The following ITPK1 variants were observed in gnomAD, a reference collection of about 807,000 sequenced individuals.
ITPK1 encodes inositol 1,3,4-trisphosphate 5/6-kinase.
In ITPK1, 21 loss-of-function variants were observed where a neutral mutation model predicts 45.3. That is an observed-to-expected ratio of 0.46 (90% CI 0.33 to 0.67). The LOEUF is 0.67. ITPK1 is among the 30% of genes least tolerant of loss of function. The pLI is 0.02. For missense variants in ITPK1, 474 were observed against 573.5 expected, an observed-to-expected ratio of 0.83 and a Z score of 1.77; for synonymous variants, 258 against 253.6, an observed-to-expected ratio of 1.02 and a Z score of -0.16.
chr14:93,099,579 C>A (rs1266202517), intron 2 of ITPK1, among the ~76,000 whole-genome samples: 1 of 152,252 alleles, frequency 6.6e-6, no homozygotes, highest in Middle Eastern at 3.4e-3. Flanking sequence ...GGCTGCTGGG[C>A]GCAGCCAGGA....
intron 3 of ITPK1, among the ~76,000 whole-genome samples, chr14:93,038,073 G>A (rs977392461): frequency 5.4e-5 from 8 of 147,610 alleles, no homozygotes; most frequent in Non-Finnish European, 1.0e-4. Flanking sequence ...TTTTTTTTGA[G>A]ATGGAGCCTT....
chr14:93,081,623 G>C (rs1891436758), intron 2 of ITPK1, among the ~76,000 whole-genome samples: 1 of 152,192 alleles, frequency 6.6e-6, no homozygotes, highest in South Asian at 2.1e-4. Context: ...TGGCAATAAA[G>C]GAAGGCTTCA....
chr14:92,971,311 T>C (rs748454335), intron 5 of ITPK1, among the ~76,000 whole-genome samples: 26 of 152,214 alleles, frequency 1.7e-4, no homozygotes, highest in Middle Eastern at 3.2e-3. Context: ...TTGTCTCAGT[T>C]ACCTCACTAT....
In ITPK1 at chr14:92,941,601, T is replaced by C; in HGVS notation, c.1205A>G (p.His402Arg). The change falls in exon 11 of 11, where the codon CAT (histidine) becomes CGT (arginine). Residue 402 changes from histidine to arginine, a missense_variant. Physicochemically the swap from His to Arg is conservative, Grantham distance 29. This residue lies in a region of ITPK1 where 107 missense variants were observed against 92.9 expected (regional missense o/e 1.15). Coordinates refer to ENST00000267615, the MANE Select transcript of ITPK1 (RefSeq NM_014216.6). ...CTTGGTGGCCAGGGAGGCCACACAA[T>C]GCTGCTGGAAGCTGGGCGACACGCC... The part of the protein sequence containing the change: ...NAGVSPSFQQ[H>R]CVASLATKAS... 6.5e-7 allele frequency: 1 copy of C among 1,538,164 alleles called. No homozygotes were observed. Among genetic ancestry groups the C allele is most frequent in the Non-Finnish European group, 8.7e-7 (1 of 1,144,692 alleles).
chr14:93,090,538 T>C (rs1891828322), intron 2 of ITPK1, among the ~76,000 whole-genome samples: 1 of 152,178 alleles, frequency 6.6e-6, no homozygotes, highest in Non-Finnish European at 1.5e-5. Flanking sequence ...CTAGCCACCA[T>C]CCTGGAGAAA....
At chr14:93,030,339 G>C (rs1888971085) in intron 3 of ITPK1, among the ~76,000 whole-genome samples, 1 of 152,206 alleles carries the variant, frequency 6.6e-6, no homozygotes, top group Non-Finnish European at 1.5e-5. Context: ...ACACACAAAA[G>C]CCTGTTCTTT....
chr14:93,087,093 A>C (rs996021411), intron 2 of ITPK1, among the ~76,000 whole-genome samples: 5 of 152,368 alleles, frequency 3.3e-5, no homozygotes, highest in Admixed American at 3.3e-4. Flanking sequence ...TCACAACAGT[A>C]GTGGCTAAAA....
intron 9 of ITPK1, among the ~76,000 whole-genome samples, chr14:92,948,770 C>T (rs74519161): frequency 1.1e-3 from 163 of 144,446 alleles, no homozygotes; most frequent in African/African-American, 4.2e-3. Flanking sequence ...GGGAGGGAAG[C>T]GCTGAGCAGG....
intron 2 of ITPK1, among the ~76,000 whole-genome samples, chr14:93,113,070 T>C (rs569681339): frequency 6.6e-6 from 1 of 152,354 alleles, no homozygotes; most frequent in African/African-American, 2.4e-5. Flanking sequence ...TAGGCTTAAG[T>C]GATAAAATAT....
intron 2 of ITPK1, among the ~76,000 whole-genome samples, chr14:93,098,222 C>A (rs1330233017): frequency 6.6e-6 from 1 of 151,604 alleles, no homozygotes; most frequent in Non-Finnish European, 1.5e-5. Context: ...TTTGGGAGGC[C>A]AAGACAGGCA....
chr14:93,108,177 T>C (rs1319427501), intron 2 of ITPK1, among the ~76,000 whole-genome samples: 4 of 152,196 alleles, frequency 2.6e-5, no homozygotes, highest in African/African-American at 4.8e-5. Context: ...GCCCAATTCA[T>C]GCAGGATGGG....
At chr14:93,068,068 T>C (rs1377892375) in intron 3 of ITPK1, 2 of 153,242 alleles carry the variant, frequency 1.3e-5, no homozygotes, top group Non-Finnish European at 2.9e-5. Flanking sequence ...AACAGCCCAG[T>C]TTCATCTGTA....
intron 2 of ITPK1, among the ~76,000 whole-genome samples, chr14:93,092,546 T>G (rs576465489): frequency 1.7e-4 from 26 of 152,278 alleles, no homozygotes; most frequent in African/African-American, 6.3e-4. Flanking sequence ...CAGAAGGGAA[T>G]GATGAAGAAC....
intron 8 of ITPK1, among the ~76,000 whole-genome samples, chr14:92,955,525 GTC>G (rs897019880): frequency 1.3e-5 from 2 of 152,180 alleles, no homozygotes; most frequent in Non-Finnish European, 2.9e-5. Flanking sequence ...GAGGGAAACA[GTC>G]TCTCTGTGAA....
chr14:92,973,409 C>T (rs868523188), intron 5 of ITPK1, among the ~76,000 whole-genome samples: 1 of 152,236 alleles, frequency 6.6e-6, no homozygotes, highest in African/African-American at 2.4e-5. Flanking sequence ...TCCCGCCTGG[C>T]CACCCTGTGG....
In ITPK1 at chr14:93,019,005, C is replaced by T. The variant is rs564748094; in HGVS notation, c.121-2204G>A. 3.9e-4 allele frequency among the ~76,000 whole-genome samples: 59 copies of T among 152,298 alleles called. 1 individual carries two copies. In the South Asian group the frequency reaches 0.012, roughly 31 times the overall value. On this transcript the variant is annotated intron_variant, in intron 3 of 10. Coordinates refer to ENST00000267615, the MANE Select transcript of ITPK1 (RefSeq NM_014216.6). ...CTCTTCACAGATTCCAAATTACACTCCACCCAATACCTCTTCCCAGAAAAA... is the reference window on the plus strand; with the variant it reads ...CTCTTCACAGATTCCAAATTACACTTCACCCAATACCTCTTCCCAGAAAAA...
chr14:93,004,809 AG>A (rs1240272187), intron 4 of ITPK1, among the ~76,000 whole-genome samples: 1 of 150,946 alleles, frequency 6.6e-6, no homozygotes, highest in East Asian at 2.0e-4. Context: ...GGGGCTGGGG[AG>A]GAGCCTGCTG....
intron 2 of ITPK1, among the ~76,000 whole-genome samples, chr14:93,097,198 G>C (rs1004995815): frequency 6.6e-6 from 1 of 152,238 alleles, no homozygotes; most frequent in Non-Finnish European, 1.5e-5. Flanking sequence ...CCCAGGGCTT[G>C]ACCCTCCCTG....
chr14:93,107,630 G>A (rs1892576181), intron 2 of ITPK1, among the ~76,000 whole-genome samples: 1 of 152,214 alleles, frequency 6.6e-6, no homozygotes, highest in South Asian at 2.1e-4. Flanking sequence ...CAGCACTCAA[G>A]GGCCTGGAGG....
Sources: gnomAD v4.1 joint callset for allele counts (sites outside exome capture counted in the v4.1 genomes callset) on GRCh38, gnomAD v4.1.1 for gene constraint, gnomAD v4.1.1 regional missense constraint, MANE v1.5 for transcripts, NCBI Gene and HGNC (gene_info 2026-07-23, HGNC 2026-07-21) for gene names.